LDB3: variants seen among roughly 807,000 people sequenced by gnomAD.
LDB3 encodes LIM domain-binding protein 3.
A neutral mutation model predicts 69.0 loss-of-function variants in LDB3; 49 were observed. The ratio of observed to expected loss-of-function variants is 0.71; its 90% confidence interval spans 0.56 to 0.90. LDB3 has a LOEUF of 0.90. Among genes scored for constraint, LDB3 ranks in the 40% least tolerant of loss-of-function variants. The pLI is 0.00. For missense variants in LDB3, 928 were observed against 974.1 expected (o/e 0.95, Z 0.63); for synonymous variants, 387 against 396.2 (o/e 0.98, Z 0.28).
chr10:86,699,900 C>T lies in LDB3; in HGVS notation c.897-6631C>T, dbSNP rs1396978647. 1 of 1,008,390 alleles carries T rather than the reference C, an allele frequency of 9.9e-7. No homozygotes were observed. The highest frequency in any genetic ancestry group is 1.7e-5 in the African/African-American group (1 of 57,924). 62.5% of individuals were successfully genotyped at this position (1,008,390 alleles called of 1,614,324 possible). A position where few individuals can be genotyped will look rare whatever the true frequency, so the allele number is the denominator to read the frequency against. ...GCTCTTTGAAGAGGAAGTAGAAGCC[C>T]CAGGGTAATGAGGCAGAGACCCCTC... On this transcript the variant is annotated intron_variant, in intron 7 of 13. Coordinates refer to ENST00000361373, the MANE Select transcript of LDB3 (RefSeq NM_007078.3). This position sits in a 1 kb window ranked among gnomAD's most constrained non-coding sequence, Gnocchi z 4.9.
intron 7 of LDB3, among the ~76,000 whole-genome samples, chr10:86,704,281 T>C (rs1350419937): frequency 1.3e-5 from 2 of 152,196 alleles, no homozygotes; most frequent in East Asian, 1.9e-4. Flanking sequence ...AAGCCCTTTT[T>C]TGCCATTTTG....
chr10:86,689,383 C>T (rs1010936579), intron 5 of LDB3, among the ~76,000 whole-genome samples: 3 of 152,194 alleles, frequency 2.0e-5, no homozygotes, highest in African/African-American at 7.2e-5. Flanking sequence ...CCCACGTGCT[C>T]TGTCCACGCT....
At chr10:86,722,766 A>G (rs1482725554) in intron 12 of LDB3, among the ~76,000 whole-genome samples, 1 of 149,324 alleles carries the variant, frequency 6.7e-6, no homozygotes, top group Non-Finnish European at 1.5e-5. Context: ...GGGGGATTTC[A>G]CCATCTTGGC....
intron 12 of LDB3, among the ~76,000 whole-genome samples, chr10:86,721,781 C>G (rs1394106644): frequency 6.6e-6 from 1 of 152,198 alleles, no homozygotes; most frequent in Non-Finnish European, 1.5e-5. Flanking sequence ...TTCAACAAAC[C>G]CTCCATGTGC....
chr10:86,718,789 G>C lies in LDB3; in HGVS notation c.1920G>C (p.Lys640Asn), dbSNP rs1846969363. The C allele has an allele frequency of 2.5e-6, 4 of 1,614,196 alleles. No homozygotes were observed. The highest frequency in any genetic ancestry group is 3.4e-6 in the Non-Finnish European group (4 of 1,180,042). Reference sequence around the variant, plus strand: ...CCTGCTTCGTCTGTGCGGCCTGCAAGAAGCCTTTTGGGAACAGCCTCTTCC... The same window carrying C: ...CCTGCTTCGTCTGTGCGGCCTGCAACAAGCCTTTTGGGAACAGCCTCTTCC... ...HTTCFVCAACKKPFGNSLFHM... is the reference protein window; with the variant it reads ...HTTCFVCAACNKPFGNSLFHM... The change falls in exon 12 of 14, where the codon AAG becomes AAC. Residue 640 changes from lysine (K) to asparagine (N), a missense_variant. By Grantham distance (94) the Lys-to-Asn change is moderately conservative. Transcript: ENST00000361373.
intron 9 of LDB3, among the ~76,000 whole-genome samples, chr10:86,712,955 G>C (rs187585707): frequency 0.019 from 2,923 of 152,096 alleles, 76 homozygotes; most frequent in African/African-American, 0.057. Flanking sequence ...CAGCTACTCG[G>C]GAGGCTATGG....
At chr10:86,714,758 C>A (rs186193624) in intron 9 of LDB3, among the ~76,000 whole-genome samples, 92 of 152,116 alleles carry the variant, frequency 6.0e-4, no homozygotes, top group Non-Finnish European at 2.9e-5. Flanking sequence ...GGGGTTTCAC[C>A]ACATTAGCCA....
rs114477087 is a variant in LDB3, at chr10:86,694,303, G to A, written c.896+1732G>A. The stretch of plus-strand genomic sequence containing the variant: ...AAGTTTGTTCTGCCTGGTCTTGAGG[G>A]TAATTGAAGGGTGGGAGAGTAGTCC... On this transcript the variant is annotated intron_variant, in intron 7 of 13. Transcript: ENST00000361373. 4.8e-3 allele frequency among the ~76,000 whole-genome samples: 732 copies of A among 152,280 alleles called. 8 individuals are homozygous for A. The highest frequency in any genetic ancestry group is 0.017 in the African/African-American group (686 of 41,554).
chr10:86,687,762 C>A (rs1845567596), intron 5 of LDB3, among the ~76,000 whole-genome samples: 1 of 152,252 alleles, frequency 6.6e-6, no homozygotes, highest in African/African-American at 2.4e-5. Flanking sequence ...ATCAGTCCCA[C>A]AGATGGGAGC....
intron 12 of LDB3, among the ~76,000 whole-genome samples, chr10:86,725,813 T>G (rs1356201139): frequency 6.6e-6 from 1 of 152,174 alleles, no homozygotes; most frequent in Non-Finnish European, 1.5e-5. Flanking sequence ...TGTTTTCTCT[T>G]TGGGGCTTGA....
intron 4 of LDB3, 41 bp from the exon 5 acceptor site, chr10:86,681,395 C>T (rs761466309): frequency 5.6e-6 from 9 of 1,597,828 alleles, no homozygotes; most frequent in African/African-American, 1.3e-5. Flanking sequence ...GGCCTCTAAC[C>T]GCTCTCTTCT....
intron 12 of LDB3, among the ~76,000 whole-genome samples, chr10:86,725,782 T>C (rs951948669): frequency 6.6e-6 from 1 of 152,166 alleles, no homozygotes; most frequent in African/African-American, 2.4e-5. Flanking sequence ...AAACTAAGCA[T>C]AGATGTTTGG....
chr10:86,666,913 C>T (rs926668253), upstream of LDB3: 22 of 464,318 alleles, frequency 4.7e-5, no homozygotes, highest in Non-Finnish European at 8.9e-5. Context: ...ACTGGTTATG[C>T]CCTGCTGCTG....
intron 7 of LDB3, among the ~76,000 whole-genome samples, chr10:86,694,372 G>A (rs1483857818): frequency 6.6e-6 from 1 of 152,156 alleles, no homozygotes; most frequent in Non-Finnish European, 1.5e-5. Context: ...TTCAGCCTCA[G>A]CAAAAGGCAG....
chr10:86,685,896 G>A (rs1248035432), intron 5 of LDB3, among the ~76,000 whole-genome samples: 1 of 152,106 alleles, frequency 6.6e-6, no homozygotes, highest in African/African-American at 2.4e-5. Context: ...GTGGGAGTGG[G>A]GGCTCCATCC....
intron 12 of LDB3, among the ~76,000 whole-genome samples, chr10:86,720,183 G>A (rs1002934180): frequency 7.9e-5 from 12 of 152,172 alleles, no homozygotes; most frequent in East Asian, 3.8e-4. Context: ...GGTGGCTCAC[G>A]CCTGTAATCC....
Position 86,735,236 on chromosome 10 carries a change from A to G in LDB3, c.*2260A>G, listed in dbSNP as rs1847591502. 6.7e-6 allele frequency: 1 copy of G among 149,502 alleles called. No homozygotes were observed. The highest frequency in any genetic ancestry group is 1.5e-5 in the Non-Finnish European group (1 of 67,616). The allele number at this position is 149,502 out of a possible 1,614,324, so 9.3% of individuals were successfully genotyped here. ...ATTCTGAGGGACTCCTATTTGCCAA[A>G]AAGACAAAACTAGCAAAAAAAAAAC... is the stretch of plus-strand genomic sequence containing the variant. On this transcript the variant is annotated 3_prime_UTR_variant, in exon 14 of 14. Transcript: ENST00000361373.
In LDB3 at chr10:86,700,447, C is replaced by T. The variant is rs372941843; in HGVS notation, c.897-6084C>T. On this transcript the variant is annotated intron_variant, in intron 7 of 13. Transcript: ENST00000361373. ...CTCACAGGAAGGAGCTACTTATGCT[C>T]GATCCTGGTCCAGAGGCGAGAGAAG... Among the ~76,000 whole-genome samples, 6 of 152,294 alleles carry T rather than the reference C, an allele frequency of 3.9e-5. No individual in the cohort carries two copies. In the South Asian group the frequency reaches 8.3e-4, roughly 21 times the overall value.
At chr10:86,707,262 T>C (rs1259368027) in intron 8 of LDB3, among the ~76,000 whole-genome samples, 3 of 152,128 alleles carry the variant, frequency 2.0e-5, no homozygotes, top group Admixed American at 6.5e-5. Context: ...GTGGGATTTA[T>C]ATCTGCTCCA....
Sources: gnomAD v4.1 joint callset for allele counts (sites outside exome capture counted in the v4.1 genomes callset) on GRCh38, gnomAD v4.1.1 for gene constraint, Gnocchi (gnomAD v3.1) non-coding constraint, MANE v1.5 for transcripts, NCBI Gene and HGNC (gene_info 2026-07-23, HGNC 2026-07-21) for gene names.